The following CADPS variants were observed in gnomAD, a reference collection of about 807,000 sequenced individuals.
CADPS encodes calcium-dependent secretion activator 1.
In CADPS, 57 loss-of-function variants were observed where a neutral mutation model predicts 167.3. The observed-to-expected ratio is 0.34, with a 90% CI of 0.28 to 0.42. CADPS has a LOEUF of 0.42. CADPS is among the 20% of genes least tolerant of loss of function. The pLI is 1.00. For synonymous variants in CADPS, 676 were observed against 635.3 expected (o/e 1.06, Z -0.96); for missense variants, 1,414 against 1,738.1 (o/e 0.81, Z 3.32).
intron 1 of CADPS, among the ~76,000 whole-genome samples, chr3:62,802,223 T>TGCACACATGTGCACACACAC (rs2093811857): frequency 6.6e-6 from 1 of 152,156 alleles, no homozygotes; most frequent in African/African-American, 2.4e-5. Context: ...AAGACACACA[T>TGCACACATGTGCACACACAC]GCACACATGT....
intron 2 of CADPS, among the ~76,000 whole-genome samples, chr3:62,756,410 T>G (rs1450941920): frequency 6.6e-6 from 1 of 152,170 alleles, no homozygotes; most frequent in Non-Finnish European, 1.5e-5. Context: ...AATTGAACAA[T>G]AAGGTTTGGG....
At chr3:62,765,495 C>T (rs2086607206) in intron 2 of CADPS, among the ~76,000 whole-genome samples, 2 of 152,128 alleles carry the variant, frequency 1.3e-5, no homozygotes, top group African/African-American at 4.8e-5. Flanking sequence ...ATGCTCCTGA[C>T]TCAAAGTCAC....
In CADPS at chr3:62,846,504, TCTC is replaced by T. The variant is rs778249212; in HGVS notation, c.441+28082_441+28084del. On this transcript the variant is annotated intron_variant, in intron 1 of 29. Coordinates refer to ENST00000383710, the MANE Select transcript of CADPS (RefSeq NM_003716.4). ...TGAAGTGCTCTTACAAGAAGAAACTTCTCCTTATCTGGTTGGTCTGAAGTACAG... is the reference window on the plus strand; with the variant it reads ...TGAAGTGCTCTTACAAGAAGAAACTTCTTATCTGGTTGGTCTGAAGTACAG... 2.6e-5 allele frequency among the ~76,000 whole-genome samples: 4 copies of T among 152,294 alleles called. 1 individual carries two copies. The highest frequency in any genetic ancestry group is 1.3e-4 in the Admixed American group (2 of 15,294).
chr3:62,812,199 G>A (rs769679397), intron 1 of CADPS, among the ~76,000 whole-genome samples: 10 of 152,102 alleles, frequency 6.6e-5, no homozygotes, highest in African/African-American at 2.4e-4. Flanking sequence ...ATTTTTGGTG[G>A]TGGAAAGACA....
rs200759218 is a variant in CADPS at position 62,438,250 on chromosome 3, A to C, written c.3670-39T>G. On this transcript the variant is annotated intron_variant, in intron 27 of 29. Transcript: ENST00000383710. This position sits in a 1 kb window ranked among gnomAD's most constrained non-coding sequence, Gnocchi z 4.7. ...GGAAAACATGAAAACGAATTTTCAG[A>C]CAGCCACTCTTCCTTGTTTACCATT... is the stretch of plus-strand genomic sequence containing the variant. 1.2e-5 allele frequency: 17 copies of C among 1,428,110 alleles called. No homozygotes were observed. Among genetic ancestry groups the C allele is most frequent in the Non-Finnish European group, 3.0e-6 (3 of 1,011,458 alleles). The allele number at this position is 1,428,110 out of a possible 1,614,324, so 88.5% of individuals were successfully genotyped here.
intron 5 of CADPS, among the ~76,000 whole-genome samples, chr3:62,649,280 AT>A (rs2069398112): frequency 6.6e-6 from 1 of 151,882 alleles, no homozygotes; most frequent in Admixed American, 6.6e-5. Flanking sequence ...CCTGTCTAGA[AT>A]TTTTTTTCTG....
intron 3 of CADPS, among the ~76,000 whole-genome samples, chr3:62,729,286 G>T (rs909418444): frequency 3.3e-5 from 5 of 151,822 alleles, no homozygotes; most frequent in African/African-American, 1.2e-4. Context: ...ATGACTAAGG[G>T]CTTCTTCCAA....
chr3:62,841,897 AAAG>A (rs1471556496), intron 1 of CADPS, among the ~76,000 whole-genome samples: 4 of 152,198 alleles, frequency 2.6e-5, no homozygotes, highest in Admixed American at 6.5e-5. Context: ...TGAGGGTTAA[AAAG>A]AAGATTTTCT....
At chr3:62,410,336 G>A (rs146913926) in intron 28 of CADPS, among the ~76,000 whole-genome samples, 1 of 152,196 alleles carries the variant, frequency 6.6e-6, no homozygotes. Flanking sequence ...GCATGTTCAA[G>A]CCATCTATAT....
In CADPS at chr3:62,753,850, G is replaced by A. The variant is rs2083260787; in HGVS notation, c.556-77C>T. The A allele has an allele frequency of 7.9e-6, 11 of 1,386,620 alleles. No individual in the cohort carries two copies. The highest frequency in any genetic ancestry group is 4.4e-5 in the Admixed American group (2 of 45,520). The allele number at this position is 1,386,620 out of a possible 1,614,324, so 85.9% of individuals were successfully genotyped here. Reference sequence around the variant, plus strand: ...ACCAGTTCCCTGGGGCTGGACACTGGGCCAGTCCACCTCACGTGCATCCCA... The same window carrying A: ...ACCAGTTCCCTGGGGCTGGACACTGAGCCAGTCCACCTCACGTGCATCCCA... On this transcript the variant is annotated intron_variant, in intron 2 of 29. Transcript: ENST00000383710. This position sits in a 1 kb window ranked among gnomAD's most constrained non-coding sequence, Gnocchi z 4.6.
intron 8 of CADPS, among the ~76,000 whole-genome samples, chr3:62,584,141 A>C (rs376296649): frequency 5.9e-5 from 9 of 151,852 alleles, no homozygotes; most frequent in African/African-American, 2.2e-4. Flanking sequence ...AATAGCTAGG[A>C]TTACAGGTGC....
rs151222844 is a variant in CADPS at position 62,760,820 on chromosome 3, C to T, written c.555+5051G>A. On this transcript the variant is annotated intron_variant, in intron 2 of 29. Transcript: ENST00000383710. Reference sequence around the variant, plus strand: ...AAAAAGTTCAACCATAATAACTAAACGTCTTCTTGCATAGATGAAACCTGC... The same window carrying T: ...AAAAAGTTCAACCATAATAACTAAATGTCTTCTTGCATAGATGAAACCTGC... Among the ~76,000 whole-genome samples the T allele has an allele frequency of 6.8e-3, 1,035 of 152,300 alleles. 9 individuals are homozygous for T. The highest frequency in any genetic ancestry group is 0.012 in the Non-Finnish European group (850 of 68,024).
chr3:62,534,300 G>A (rs1308897024), intron 12 of CADPS, among the ~76,000 whole-genome samples: 2 of 152,192 alleles, frequency 1.3e-5, no homozygotes, highest in Admixed American at 6.5e-5. Context: ...TGACTAGGGG[G>A]CAGGTAGAGG....
intron 24 of CADPS, among the ~76,000 whole-genome samples, chr3:62,471,145 G>A (rs1228660532): frequency 1.3e-5 from 2 of 152,118 alleles, no homozygotes; most frequent in Non-Finnish European, 2.9e-5. Context: ...AGCAAATGAT[G>A]ACACATCGTT....
chr3:62,511,309 G>T (rs899708855), intron 17 of CADPS, among the ~76,000 whole-genome samples: 1 of 152,118 alleles, frequency 6.6e-6, no homozygotes, highest in Non-Finnish European at 1.5e-5. Flanking sequence ...ACTCTGTTTT[G>T]CAGCTACGTT....
chr3:62,545,124 T>A (rs2076252699), intron 11 of CADPS, among the ~76,000 whole-genome samples: 1 of 152,172 alleles, frequency 6.6e-6, no homozygotes, highest in Non-Finnish European at 1.5e-5. Flanking sequence ...GCTTTGGGGT[T>A]CTATGATGTG....
At chr3:62,569,618 A>G (rs1204632016) in intron 9 of CADPS, among the ~76,000 whole-genome samples, 1 of 152,198 alleles carries the variant, frequency 6.6e-6, no homozygotes, top group Non-Finnish European at 1.5e-5. Context: ...TGAAACCCTC[A>G]AGGTCATTTA....
chr3:62,773,108 T>A (rs1576204615), intron 1 of CADPS, among the ~76,000 whole-genome samples: 1 of 152,068 alleles, frequency 6.6e-6, no homozygotes, highest in Admixed American at 6.5e-5. Context: ...TCTAGAGAGA[T>A]TAGGGCAATG....
chr3:62,500,643 C>T (rs945829446), intron 17 of CADPS: 2 of 152,078 alleles, frequency 1.3e-5, no homozygotes, highest in African/African-American at 4.8e-5. Flanking sequence ...TGCAAAAGAA[C>T]TGGCAAAATT....
Sources: allele counts gnomAD v4.1 joint callset (sites outside exome capture counted in the v4.1 genomes callset), GRCh38; gene constraint gnomAD v4.1.1; non-coding constraint Gnocchi (gnomAD v3.1); transcripts MANE v1.5; gene names NCBI Gene and HGNC (gene_info 2026-07-23, HGNC 2026-07-21).